The following CYP2C18 variants were observed in gnomAD, a reference collection of about 807,000 sequenced individuals.
CYP2C18 encodes cytochrome P450 family 2 subfamily C member 18.
In CYP2C18, 38 loss-of-function variants were observed where a neutral mutation model predicts 41.3. The observed-to-expected ratio is 0.92, with a 90% confidence interval of 0.71 to 1.21. CYP2C18 has a LOEUF of 1.21. Ranked by LOEUF, CYP2C18 falls within the 50% of genes most tolerant of loss-of-function variation. CYP2C18 has a pLI of 0.00. For missense variants in CYP2C18, 635 were observed against 591.4 expected (o/e 1.07, Z -0.77); for synonymous variants, 236 against 210.0 (o/e 1.12, Z -1.07).
At chr10:94,686,372 C>T (rs1846887648) in intron 1 of CYP2C18, among the ~76,000 whole-genome samples, 1 of 152,136 alleles carries the variant, frequency 6.6e-6, no homozygotes, top group Non-Finnish European at 1.5e-5. Flanking sequence ...ATGAATACAT[C>T]CTTTCCTATA....
intron 3 of CYP2C18, among the ~76,000 whole-genome samples, chr10:94,693,757 C>T (rs1257876696): frequency 6.6e-6 from 1 of 152,158 alleles, no homozygotes; most frequent in Admixed American, 6.6e-5. Context: ...TTTAATTCCC[C>T]ATCATTACCG....
chr10:94,724,896 T>C (rs1472428294), intron 7 of CYP2C18, among the ~76,000 whole-genome samples: 16 of 152,000 alleles, frequency 1.1e-4, no homozygotes, highest in Non-Finnish European at 2.9e-5. Context: ...TTAGAAATAA[T>C]TGATGTCCTG....
intron 5 of CYP2C18, among the ~76,000 whole-genome samples, chr10:94,717,911 C>T (rs542617204): frequency 6.6e-6 from 1 of 152,116 alleles, no homozygotes; most frequent in East Asian, 1.9e-4. Context: ...CTTCTTTCTG[C>T]TAATTATTGC....
intron 1 of CYP2C18, among the ~76,000 whole-genome samples, chr10:94,687,437 G>A (rs1846907740): frequency 6.6e-6 from 1 of 152,108 alleles, no homozygotes; most frequent in African/African-American, 2.4e-5. Context: ...TTCAAATTTG[G>A]ACCTTCTGTT....
chr10:94,728,812 A>G (rs138721907), intron 7 of CYP2C18, among the ~76,000 whole-genome samples: 393 of 152,272 alleles, frequency 2.6e-3, no homozygotes, highest in African/African-American at 9.1e-3. Flanking sequence ...ACAAAAATTC[A>G]ACTGATACAG....
intron 5 of CYP2C18, among the ~76,000 whole-genome samples, chr10:94,718,797 A>C (rs1407346750): frequency 6.6e-6 from 1 of 152,096 alleles, no homozygotes; most frequent in African/African-American, 2.4e-5. Context: ...ACTCCTGTAT[A>C]CTTAGTCCTC....
chr10:94,713,799 A>T (rs1252700043), intron 5 of CYP2C18, among the ~76,000 whole-genome samples: 1 of 152,232 alleles, frequency 6.6e-6, no homozygotes, highest in African/African-American at 2.4e-5. Flanking sequence ...TCCCACCAAC[A>T]GTGTGTAAAA....
At chr10:94,717,470 G>A (rs967834573) in intron 5 of CYP2C18, among the ~76,000 whole-genome samples, 1 of 152,110 alleles carries the variant, frequency 6.6e-6, no homozygotes, top group Admixed American at 6.6e-5. Context: ...TGAAATTCTG[G>A]GTTGAAAATT....
At chr10:94,721,984 T>C (rs945684431) in intron 6 of CYP2C18, among the ~76,000 whole-genome samples, 9 of 152,166 alleles carry the variant, frequency 5.9e-5, no homozygotes, top group African/African-American at 2.2e-4. Flanking sequence ...GCAGATGTCT[T>C]TTCGATAAAA....
At chr10:94,711,995 C>T (rs1003438081) in intron 5 of CYP2C18, among the ~76,000 whole-genome samples, 20 of 124,790 alleles carry the variant, frequency 1.6e-4, no homozygotes, top group African/African-American at 5.6e-4. Context: ...GTGCATGCCA[C>T]CATGCCCAAC....
Position 94,683,888 on chromosome 10 carries a change from C to T in CYP2C18, c.69C>T (p.Ser23=), listed in dbSNP as rs867177170. Reference sequence around the variant, plus strand: ...TTCTCCTTTCACTCTGGAGGCAGAGCTCTGGAAGAGGGAGGCTCCCGTCTG... The same window carrying T: ...TTCTCCTTTCACTCTGGAGGCAGAGTTCTGGAAGAGGGAGGCTCCCGTCTG... ...CLFLLSLWRQ[S]SGRGRLPSGP... The change falls in exon 1 of 9, where the codon AGC becomes AGT. Residue 23 remains serine (S), a synonymous_variant. Coordinates refer to ENST00000285979, the MANE Select transcript of CYP2C18 (RefSeq NM_000772.3). The T allele has an allele frequency of 5.6e-6, 9 of 1,611,960 alleles. No homozygotes were observed. The highest frequency in any genetic ancestry group is 7.6e-6 in the Non-Finnish European group (9 of 1,178,930).
intron 6 of CYP2C18, among the ~76,000 whole-genome samples, chr10:94,722,535 T>G (rs1009718125): frequency 6.6e-6 from 1 of 151,982 alleles, no homozygotes; most frequent in African/African-American, 2.4e-5. Context: ...GGCAGAGAGA[T>G]TGAAGTTGCA....
rs1042194 is a variant in CYP2C18 at position 94,735,727 on chromosome 10, G to A, written c.*283G>A. 1 of 352,152 alleles carries A rather than the reference G, an allele frequency of 2.8e-6. No homozygotes were observed. Among genetic ancestry groups the A allele is most frequent in the Non-Finnish European group, 5.2e-6 (1 of 194,162 alleles). The allele number at this position is 352,152 out of a possible 1,614,324, so 21.8% of individuals were successfully genotyped here. ...CTGAGTTGTCAGTATGTTATCACTA[G>A]AAAACAAAGAAAAATGATTAATAAA... On this transcript the variant is annotated 3_prime_UTR_variant, in exon 9 of 9. Coordinates refer to ENST00000285979, the MANE Select transcript of CYP2C18 (RefSeq NM_000772.3).
At chr10:94,685,892 T>C (rs1206041237) in intron 1 of CYP2C18, among the ~76,000 whole-genome samples, 4 of 152,166 alleles carry the variant, frequency 2.6e-5, no homozygotes, top group Non-Finnish European at 5.9e-5. Flanking sequence ...TGTGGTTCCA[T>C]ACAAATTTTA....
At chr10:94,684,115 TG>T (rs1564635759) in intron 1 of CYP2C18, 128 bp downstream of exon 1, 4 of 612,382 alleles carry the variant, frequency 6.5e-6, no homozygotes, top group Non-Finnish European at 1.1e-5. Context: ...TATTACATTT[TG>T]ATACATGTAT....
intron 8 of CYP2C18, 69 bp from the exon 9 acceptor site, chr10:94,735,194 T>C: frequency 1.4e-6 from 2 of 1,423,892 alleles, no homozygotes; most frequent in South Asian, 2.3e-5. Context: ...AAATAGTTAC[T>C]GCATACTCTT....
chr10:94,716,058 T>A (rs976875079), intron 5 of CYP2C18, among the ~76,000 whole-genome samples: 1 of 152,162 alleles, frequency 6.6e-6, no homozygotes, highest in African/African-American at 2.4e-5. Flanking sequence ...ATTGCATCTA[T>A]TTGATTTTTC....
chr10:94,731,276 A>C (rs922844419), intron 7 of CYP2C18, among the ~76,000 whole-genome samples: 1 of 152,098 alleles, frequency 6.6e-6, no homozygotes, highest in South Asian at 2.1e-4. Flanking sequence ...GCTACTTGGG[A>C]GGCTGAGGCA....
chr10:94,694,986 A>G lies in CYP2C18; in HGVS notation c.551A>G (p.His184Arg), dbSNP rs1376189093. 5 of 1,613,052 alleles carry G rather than the reference A, an allele frequency of 3.1e-6. No homozygotes were observed. Among genetic ancestry groups the G allele is most frequent in the Non-Finnish European group, 4.2e-6 (5 of 1,179,866 alleles). ...AATGTGATCTGCTCTGTTATTTTCC[A>G]TGATCGATTTGATTATAAAGATCAG... ...PCNVICSVIF[H>R]DRFDYKDQRF... is the part of the protein sequence containing the mutation. Residue 184 changes from histidine to arginine, a missense_variant, in exon 4 of 9, where the codon CAT becomes CGT. Physicochemically the swap from His to Arg is conservative, Grantham distance 29. Coordinates refer to ENST00000285979, the MANE Select transcript of CYP2C18 (RefSeq NM_000772.3).
Sources: gnomAD v4.1 joint callset for allele counts (sites outside exome capture counted in the v4.1 genomes callset) on GRCh38, gnomAD v4.1.1 for gene constraint, MANE v1.5 for transcripts, NCBI Gene and HGNC (gene_info 2026-07-23, HGNC 2026-07-21) for gene names.